Variants in ASIC2 observed in about 807,000 individuals in gnomAD.
The protein encoded by ASIC2 is acid sensing ion channel subunit 2.
Under a neutral mutation model 57.3 loss-of-function variants are expected in ASIC2, and 25 were observed. The observed-to-expected ratio is 0.44, with a 90% CI of 0.32 to 0.61. The LOEUF (loss-of-function observed/expected upper bound fraction) is 0.61. Ranked by LOEUF, ASIC2 falls within the 20% of genes least tolerant of loss-of-function variation. The pLI is 0.06. For missense variants in ASIC2, 641 were observed against 738.1 expected (o/e 0.87, Z 1.52); for synonymous variants, 319 against 307.5 (o/e 1.04, Z -0.39).
chr17:33,728,455 C>A (rs948708078), intron 1 of ASIC2, among the ~76,000 whole-genome samples: 2 of 152,254 alleles, frequency 1.3e-5, no homozygotes, highest in East Asian at 3.9e-4. Flanking sequence ...CTTATGGGAC[C>A]CCTAGCTCTC....
intron 1 of ASIC2, among the ~76,000 whole-genome samples, chr17:33,764,712 T>C (rs970617142): frequency 1.3e-5 from 2 of 152,160 alleles, no homozygotes; most frequent in African/African-American, 4.8e-5. Flanking sequence ...TTCTTGAGGG[T>C]ACAGCCCTTA....
chr17:33,724,041 G>A (rs1386868170), intron 1 of ASIC2, among the ~76,000 whole-genome samples: 1 of 152,076 alleles, frequency 6.6e-6, no homozygotes, highest in African/African-American at 2.4e-5. Context: ...GGACTCAGTG[G>A]GAGATAATTG....
At chr17:33,020,095 C>T (rs977412117) in intron 7 of ASIC2, among the ~76,000 whole-genome samples, 1 of 152,116 alleles carries the variant, frequency 6.6e-6, no homozygotes, top group African/African-American at 2.4e-5. Flanking sequence ...TTTAACCCAG[C>T]TGGGACCGAG....
chr17:34,014,313 G>C (rs1224598997), intron 1 of ASIC2, among the ~76,000 whole-genome samples: 1 of 152,200 alleles, frequency 6.6e-6, no homozygotes, highest in African/African-American at 2.4e-5. Context: ...CAAGGCTCCA[G>C]ATGTGAAACC....
At chr17:33,296,893 C>T (rs1905741632), upstream of ASIC2, among the ~76,000 whole-genome samples, 1 of 152,212 alleles carries the variant, frequency 6.6e-6, no homozygotes, top group Admixed American at 6.5e-5. Context: ...ACCTAAGCCT[C>T]CTTCCTGCCC....
intron 1 of ASIC2, among the ~76,000 whole-genome samples, chr17:34,012,834 G>T (rs979021963): frequency 2.6e-5 from 4 of 152,086 alleles, no homozygotes; most frequent in Admixed American, 2.0e-4. Flanking sequence ...AAGAGTTCAG[G>T]TCTCACTCAG....
At chr17:33,514,667 A>G (rs919355549) in intron 1 of ASIC2, among the ~76,000 whole-genome samples, 8 of 152,196 alleles carry the variant, frequency 5.3e-5, no homozygotes, top group Admixed American at 3.3e-4. Context: ...ATCCCATACC[A>G]TTACAATAGA....
chr17:33,393,255 C>T (rs2141954025), intron 1 of ASIC2, among the ~76,000 whole-genome samples: 1 of 152,314 alleles, frequency 6.6e-6, no homozygotes, highest in South Asian at 2.1e-4. Context: ...ACTTATCCCA[C>T]CCTCCAGTCT....
rs117589164 is a variant in ASIC2, at chr17:33,581,757, G to T, written c.556-469690C>A. ...TGAATTGGTGTCCTATGCGATGAAG[G>T]GATGGTCCCTGCTTGGTCCTCGGCC... On this transcript the variant is annotated intron_variant, in intron 1 of 9. Transcript: ENST00000359872. Among the ~76,000 whole-genome samples, 1,207 of 152,280 alleles carry T rather than the reference G, an allele frequency of 7.9e-3. 10 individuals are homozygous for T. Among genetic ancestry groups the T allele is most frequent in the African/African-American group, 0.023 (958 of 41,548 alleles).
intron 1 of ASIC2, among the ~76,000 whole-genome samples, chr17:33,817,884 A>G (rs1912633819): frequency 6.6e-6 from 1 of 152,174 alleles, no homozygotes. Flanking sequence ...TCTGGCAGCC[A>G]AGGCCAGAGC....
intron 1 of ASIC2, among the ~76,000 whole-genome samples, chr17:33,436,853 C>CCTCT: frequency 1.5e-5 from 1 of 66,616 alleles, no homozygotes; most frequent in South Asian, 6.4e-4. Context: ...ATTCCAACTT[C>CCTCT]TTTTTTTTTT....
At chr17:33,424,246 G>C (rs972814990) in intron 1 of ASIC2, among the ~76,000 whole-genome samples, 4 of 152,156 alleles carry the variant, frequency 2.6e-5, no homozygotes, top group Admixed American at 6.5e-5. Context: ...CTGCCACCTA[G>C]AACTTTAAAT....
Position 33,695,611 on chromosome 17 carries a change from G to A in ASIC2, c.555+460367C>T, listed in dbSNP as rs567302247. ...CCATTTCCTGGGGCTTCCCAAGAGT[G>A]CTGCTTTCACTGGACAATTAAGCAG... On this transcript the variant is annotated intron_variant, in intron 1 of 9. Transcript: ENST00000359872. Among the ~76,000 whole-genome samples the A allele has an allele frequency of 7.6e-4, 116 of 152,308 alleles. 1 individual carries two copies. The South Asian group carries it at 0.024, about 32-fold the overall frequency.
At chr17:33,573,667 G>A (rs1916523995) in intron 1 of ASIC2, among the ~76,000 whole-genome samples, 1 of 152,168 alleles carries the variant, frequency 6.6e-6, no homozygotes. Flanking sequence ...CCAGGTTCAA[G>A]CGATTCTCCT....
intron 1 of ASIC2, among the ~76,000 whole-genome samples, chr17:33,308,906 A>G (rs1906290805): frequency 6.6e-6 from 1 of 152,206 alleles, no homozygotes; most frequent in Admixed American, 6.5e-5. Context: ...TTTGTCGGGT[A>G]GACAGGGTTT....
intron 1 of ASIC2, among the ~76,000 whole-genome samples, chr17:33,128,095 A>G (rs1418886408): frequency 6.6e-6 from 1 of 152,154 alleles, no homozygotes; most frequent in Non-Finnish European, 1.5e-5. Flanking sequence ...CTCATACTTC[A>G]TACTCCAGCT....
At chr17:33,682,461 C>T (rs1420971767) in intron 1 of ASIC2, among the ~76,000 whole-genome samples, 3 of 152,050 alleles carry the variant, frequency 2.0e-5, no homozygotes, top group Non-Finnish European at 1.5e-5. Context: ...AGAAGACCTG[C>T]GTGCGGCCTC....
chr17:33,497,159 CA>C (rs1913962341), intron 1 of ASIC2, among the ~76,000 whole-genome samples: 2 of 152,356 alleles, frequency 1.3e-5, no homozygotes, highest in Admixed American at 1.3e-4. Context: ...TTTGTCTCCA[CA>C]GCATCCATGT....
Position 33,700,595 on chromosome 17 carries a change from C to T in ASIC2, c.555+455383G>A, listed in dbSNP as rs112513830. On this transcript the variant is annotated intron_variant, in intron 1 of 9. Transcript: ENST00000359872. ...CATTTGAAACAAGTAAAGACAGATG[C>T]GAAAAGGGTAAGATACTACTAATAA... Among the ~76,000 whole-genome samples the T allele has an allele frequency of 1.1e-3, 162 of 152,162 alleles. 2 individuals carry two copies. Among genetic ancestry groups the T allele is most frequent in the African/African-American group, 3.7e-3 (155 of 41,528 alleles).
Sources: gnomAD v4.1 joint callset for allele counts (sites outside exome capture counted in the v4.1 genomes callset) on GRCh38, gnomAD v4.1.1 for gene constraint, MANE v1.5 for transcripts, NCBI Gene and HGNC (gene_info 2026-07-23, HGNC 2026-07-21) for gene names.